Variants in SEMA6B observed in about 807,000 individuals in gnomAD.
The protein encoded by SEMA6B is semaphorin-6B.
SEMA6B carries 47 observed loss-of-function variants against 78.6 expected under a neutral mutation model. That is an observed-to-expected ratio of 0.60 (90% confidence interval 0.47 to 0.76). The LOEUF is 0.76. Among genes scored for constraint, SEMA6B ranks in the 30% least tolerant of loss-of-function variants. The pLI, the probability that SEMA6B is intolerant of heterozygous loss-of-function variation, is 0.00. For synonymous variants in SEMA6B, 632 were observed against 592.2 expected (o/e 1.07, Z -0.98); for missense variants, 1,213 against 1,269.9 (o/e 0.96, Z 0.68).
In SEMA6B at chr19:4,546,208, C is replaced by T. The variant is rs1236238343; in HGVS notation, c.1738+8G>A. The T allele has an allele frequency of 5.0e-6, 8 of 1,605,656 alleles. No homozygotes were observed. The highest frequency in any genetic ancestry group is 6.0e-6 in the Non-Finnish European group (7 of 1,176,332). ...TGGGGGTCTTAGCCTGCCGTCCCCC[C>T]AACTCACCTGTGCAGTCCCCTAAGC... On this transcript the variant is annotated splice_region_variant and intron_variant, in intron 16 of 16. Coordinates refer to ENST00000586582, the MANE Select transcript of SEMA6B (RefSeq NM_032108.4).
chr19:4,557,921 G>A (rs1977515868), intron 3 of SEMA6B, 105 bp downstream of exon 3: 26 of 1,000,568 alleles, frequency 2.6e-5, no homozygotes, highest in Non-Finnish European at 3.4e-5. Flanking sequence ...GGCCCAACAG[G>A]CCCTGCACGA....
chr19:4,544,381 C>T lies in SEMA6B; in HGVS notation c.1887G>A (p.Glu629=). The T allele has an allele frequency of 6.3e-7, 1 of 1,592,138 alleles. No homozygotes were observed. ...GWFVGLRERR[E]LARRKDKEAI... ...CCTCCTTGTCCTTGCGCCGGGCCAG[C>T]TCCCGCCGCTCACGGAGGCCCACGA... The change falls in exon 17 of 17, where the codon GAG becomes GAA. Residue 629 remains glutamate (E), a synonymous_variant. Transcript: ENST00000586582. The surrounding 1 kb of genome is among the most constrained non-coding windows in gnomAD (Gnocchi z 5.1).
intron 16 of SEMA6B, among the ~76,000 whole-genome samples, chr19:4,545,122 C>A (rs1417001099): frequency 6.6e-6 from 1 of 151,594 alleles, no homozygotes; most frequent in Non-Finnish European, 1.5e-5. Flanking sequence ...GGCAGGAGAT[C>A]ACCTGAGGTC....
rs934912344 is a variant in SEMA6B at position 4,558,537 on chromosome 19, G to GTGTGGGCCTGCAGTC, written c.-32-49_-32-48insGACTGCAGGCCCACA. ...TGAGCGGCCTGCAGTCCCGCTCGTG[G>GTGTGGGCCTGCAGTC]CCACAAGACGGCGGGCGAGAGCAGC... is the stretch of plus-strand genomic sequence containing the variant. On this transcript the variant is annotated intron_variant, in intron 1 of 16. Coordinates refer to ENST00000586582, the MANE Select transcript of SEMA6B (RefSeq NM_032108.4). This position sits in a 1 kb window ranked among gnomAD's most constrained non-coding sequence, Gnocchi z 5.1. The GTGTGGGCCTGCAGTC allele has an allele frequency of 1.7e-6, 2 of 1,193,864 alleles. No homozygotes were observed. The highest frequency in any genetic ancestry group is 3.1e-5 in the African/African-American group (2 of 63,652). 74.0% of individuals were successfully genotyped at this position (1,193,864 alleles called of 1,614,324 possible). A position where few individuals can be genotyped will look rare whatever the true frequency, so the allele number is the denominator to read the frequency against.
chr19:4,555,854 G>A lies in SEMA6B; in HGVS notation c.471+134C>T, dbSNP rs548578753. On this transcript the variant is annotated intron_variant, in intron 6 of 16. Coordinates refer to ENST00000586582, the MANE Select transcript of SEMA6B (RefSeq NM_032108.4). This position sits in a 1 kb window ranked among gnomAD's most constrained non-coding sequence, Gnocchi z 6.1. The stretch of plus-strand genomic sequence containing the variant: ...TGACTCCTCTTGAGCTCAGGGGGAG[G>A]AGGCAGGGAGAGTATATCCAGGAAG... 3 of 751,538 alleles carry A rather than the reference G, an allele frequency of 4.0e-6. No individual in the cohort carries two copies. The highest frequency in any genetic ancestry group is 2.5e-5 in the East Asian group (1 of 39,434). The allele number at this position is 751,538 out of a possible 1,614,324, so 46.6% of individuals were successfully genotyped here.
In SEMA6B at chr19:4,555,863, A is replaced by G; in HGVS notation, c.471+125T>C. On this transcript the variant is annotated intron_variant, in intron 6 of 16. Transcript: ENST00000586582. This position sits in a 1 kb window ranked among gnomAD's most constrained non-coding sequence, Gnocchi z 6.1. Reference sequence around the variant, plus strand: ...TTGAGCTCAGGGGGAGGAGGCAGGGAGAGTATATCCAGGAAGGCTTCCTGG... The same window carrying G: ...TTGAGCTCAGGGGGAGGAGGCAGGGGGAGTATATCCAGGAAGGCTTCCTGG... The G allele has an allele frequency of 2.5e-6, 2 of 787,166 alleles. No individual in the cohort carries two copies. The highest frequency in any genetic ancestry group is 3.0e-5 in the South Asian group (2 of 67,466). The allele number at this position is 787,166 out of a possible 1,614,324, so 48.8% of individuals were successfully genotyped here.
Position 4,550,967 on chromosome 19 carries a change from T to G in SEMA6B, c.990-37A>C, listed in dbSNP as rs1599778477. 2 of 1,610,960 alleles carry G rather than the reference T, an allele frequency of 1.2e-6. No individual in the cohort carries two copies. Among genetic ancestry groups the G allele is most frequent in the African/African-American group, 1.3e-5 (1 of 74,992 alleles). On this transcript the variant is annotated intron_variant, in intron 10 of 16. Transcript: ENST00000586582. The surrounding 1 kb of genome is among the most constrained non-coding windows in gnomAD (Gnocchi z 6.6). ...GGATGAAAGAGTTTGGTGAGCCCGGTGGGAGGCCCCATCTCGGACAAGTGC... is the reference window on the plus strand; with the variant it reads ...GGATGAAAGAGTTTGGTGAGCCCGGGGGGAGGCCCCATCTCGGACAAGTGC...
At chr19:4,546,332 G>T in intron 15 of SEMA6B, 58 bp from the exon 16 acceptor site, 1 of 1,600,614 alleles carries the variant, frequency 6.2e-7, no homozygotes, top group Non-Finnish European at 8.5e-7. Context: ...GAGATCAGGG[G>T]GATCTGGGAT....
chr19:4,548,491 C>T, intron 12 of SEMA6B, 46 bp from the exon 13 acceptor site: 1 of 1,564,408 alleles, frequency 6.4e-7, no homozygotes, highest in Non-Finnish European at 8.7e-7. Flanking sequence ...CATATCACCA[C>T]ATGCCACCAA....
Position 4,558,114 on chromosome 19 carries a change from G to T in SEMA6B, c.157C>A (p.Pro53Thr), listed in dbSNP as rs769594814. 6.6e-7 allele frequency: 1 copy of T among 1,523,942 alleles called. No homozygotes were observed. The highest frequency in any genetic ancestry group is 8.9e-7 in the Non-Finnish European group (1 of 1,128,564). The allele number at this position is 1,523,942 out of a possible 1,614,324, so 94.4% of individuals were successfully genotyped here. A position where few individuals can be genotyped will look rare whatever the true frequency, so the allele number is the denominator to read the frequency against. ...CCTTCTGCGGGGGTCAGGCGTCCGGGCCCGCTGCCCACAAACACGGGATAG... is the reference window on the plus strand; with the variant it reads ...CCTTCTGCGGGGGTCAGGCGTCCGGTCCCGCTGCCCACAAACACGGGATAG... ...NHYPVFVGSG[P>T]GRLTPAEGAD... Residue 53 changes from proline to threonine, a missense_variant, in exon 3 of 17, where the codon CCC becomes ACC. Transcript: ENST00000586582. This position sits in a 1 kb window ranked among gnomAD's most constrained non-coding sequence, Gnocchi z 5.1.
At position 4,550,873 on chromosome 19, in the gene SEMA6B, T is replaced by C. The variant is rs1977311998; in HGVS notation, c.1047A>G (p.Glu349=). ...GGGACTTCTGCTCTCGGAAGCGGCC[T>C]TCAAACACAGCTGCCACCTGTGTCA... is the stretch of plus-strand genomic sequence containing the variant. ...FDLTQVAAVF[E]GRFREQKSPE... is the part of the protein sequence containing the mutation. The change falls in exon 11 of 17, where the codon GAA becomes GAG. Residue 349 remains glutamate (E), a synonymous_variant. Transcript: ENST00000586582. The surrounding 1 kb of genome is among the most constrained non-coding windows in gnomAD (Gnocchi z 6.6). The C allele has an allele frequency of 6.2e-7, 1 of 1,613,476 alleles. No individual in the cohort carries two copies. The highest frequency in any genetic ancestry group is 8.5e-7 in the Non-Finnish European group (1 of 1,179,976).
intron 1 of SEMA6B, among the ~76,000 whole-genome samples, chr19:4,559,072 G>A (rs373101229): frequency 4.0e-5 from 6 of 151,818 alleles, no homozygotes; most frequent in African/African-American, 9.7e-5. Flanking sequence ...GCCTGTGCCC[G>A]TAATCCCTGC....
intron 9 of SEMA6B, among the ~76,000 whole-genome samples, chr19:4,553,903 G>C (rs1484457781): frequency 1.3e-5 from 2 of 151,840 alleles, no homozygotes; most frequent in Non-Finnish European, 2.9e-5. Flanking sequence ...ATGGAAGGGT[G>C]GCTAGATGAA....
chr19:4,546,356 G>A (rs1402958105), intron 15 of SEMA6B, 36 bp downstream of exon 15: 3 of 1,589,364 alleles, frequency 1.9e-6, no homozygotes, highest in Non-Finnish European at 2.6e-6. Context: ...GGGCGGGTCT[G>A]ACACACCCTC....
Position 4,556,960 on chromosome 19 carries a change from G to A in SEMA6B, c.360C>T (p.Gly120=). 1 of 1,613,086 alleles carries A rather than the reference G, an allele frequency of 6.2e-7. No individual in the cohort carries two copies. Among genetic ancestry groups the A allele is most frequent in the Non-Finnish European group, 8.5e-7 (1 of 1,179,526 alleles). The change falls in exon 5 of 17, where the codon GGC becomes GGT. Residue 120 remains glycine (G), a synonymous_variant. Transcript: ENST00000586582. ...PSDINVCRMK[G]KQEGECRNFV... is the part of the protein sequence containing the mutation. ...GCCAGGGCCAACTCACCTCCTGTTT[G>A]CCCTTCATCCGACACACGTTTATGT... is the stretch of plus-strand genomic sequence containing the variant.
Position 4,550,743 on chromosome 19 carries a change from C to T in SEMA6B, c.1121+56G>A. The T allele has an allele frequency of 1.3e-6, 2 of 1,595,110 alleles. No individual in the cohort carries two copies. The highest frequency in any genetic ancestry group is 2.2e-5 in the East Asian group (1 of 44,632). The stretch of plus-strand genomic sequence containing the variant: ...ACCACCCGGAAGCCCCAGCCCTCGG[C>T]CCTGGGGATCAGGACCTCATCCGGG... On this transcript the variant is annotated intron_variant, in intron 11 of 16. Coordinates refer to ENST00000586582, the MANE Select transcript of SEMA6B (RefSeq NM_032108.4). The surrounding 1 kb of genome is among the most constrained non-coding windows in gnomAD (Gnocchi z 6.6).
chr19:4,554,946 G>A, intron 8 of SEMA6B, 30 bp downstream of exon 8: 5 of 1,610,420 alleles, frequency 3.1e-6, no homozygotes, highest in Non-Finnish European at 4.2e-6. Context: ...GCCCTGCCAG[G>A]TCTGGGCCCA....
In SEMA6B at chr19:4,543,298, C is replaced by T; in HGVS notation, c.*303G>A. 1 of 467,816 alleles carries T rather than the reference C, an allele frequency of 2.1e-6. No homozygotes were observed. Among genetic ancestry groups the T allele is most frequent in the Non-Finnish European group, 3.8e-6 (1 of 265,386 alleles). The allele number at this position is 467,816 out of a possible 1,614,324, so 29.0% of individuals were successfully genotyped here. On this transcript the variant is annotated 3_prime_UTR_variant, in exon 17 of 17. Transcript: ENST00000586582. ...GGAGTTGTGCAATTGGTTAGAAAAC[C>T]GCAAAAGAAACCAAAACTGCAAAAA...
intron 3 of SEMA6B, 28 bp from the exon 4 acceptor site, chr19:4,557,251 C>A (rs780669576): frequency 1.3e-6 from 2 of 1,534,222 alleles, no homozygotes; most frequent in East Asian, 2.3e-5. Context: ...TTAGTGAGAA[C>A]TGGGGGCTCC....
Sources: allele counts gnomAD v4.1 joint callset (sites outside exome capture counted in the v4.1 genomes callset), GRCh38; gene constraint gnomAD v4.1.1; non-coding constraint Gnocchi (gnomAD v3.1); transcripts MANE v1.5; gene names NCBI Gene and HGNC (gene_info 2026-07-23, HGNC 2026-07-21).